The following PRIM2 variants were observed in gnomAD, a reference collection of about 807,000 sequenced individuals.
PRIM2 encodes DNA primase subunit 2, also known as DNA primase large subunit.
PRIM2 carries 39 observed loss-of-function variants against 67.3 expected under a neutral mutation model. The ratio of observed to expected loss-of-function variants is 0.58; its 90% CI spans 0.45 to 0.76. The LOEUF is 0.76. PRIM2 is among the 30% of genes least tolerant of loss of function. The probability of loss-of-function intolerance (pLI) is 0.00; values close to 1 mark genes in which losing one functional copy is unlikely to be tolerated. For synonymous variants in PRIM2, 143 were observed against 198.7 expected, an observed-to-expected ratio of 0.72 and a Z score of 2.36; for missense variants, 398 against 598.7, an observed-to-expected ratio of 0.66 and a Z score of 3.50.
chr6:57,251,380 C>T, the PRIM2 span, among the ~76,000 whole-genome samples: 1 of 152,202 alleles, frequency 6.6e-6, no homozygotes. Flanking sequence ...AGGTTCATTT[C>T]TTGCTGTGTC....
chr6:57,335,959 G>GA, intron 5 of PRIM2, among the ~76,000 whole-genome samples: 1 of 152,028 alleles, frequency 6.6e-6, no homozygotes, highest in East Asian at 1.9e-4. Context: ...GGAAAACTTT[G>GA]AAAAAAATTT....
At chr6:57,222,550 G>A in the PRIM2 span, among the ~76,000 whole-genome samples, 1 of 152,344 alleles carries the variant, frequency 6.6e-6, no homozygotes, top group East Asian at 1.9e-4. Flanking sequence ...TCCTCAAAGG[G>A]CTTGCCCCGC....
chr6:57,458,595 G>C (rs569032419), intron 7 of PRIM2, among the ~76,000 whole-genome samples: 5 of 152,166 alleles, frequency 3.3e-5, no homozygotes, highest in Admixed American at 2.6e-4. Flanking sequence ...TGAGGAAGGC[G>C]AATTCCTTGA....
chr6:57,315,374 A>T (rs1000578176), upstream of PRIM2, among the ~76,000 whole-genome samples: 2 of 152,290 alleles, frequency 1.3e-5, no homozygotes, highest in East Asian at 3.9e-4. Context: ...AGAAGTTCTT[A>T]ATCTTGATCT....
intron 7 of PRIM2, among the ~76,000 whole-genome samples, chr6:57,402,609 G>A (rs952997753): frequency 3.3e-5 from 5 of 152,306 alleles, no homozygotes; most frequent in African/African-American, 9.6e-5. Flanking sequence ...TTAGGTGCTG[G>A]AAAGTATAAC....
chr6:57,619,110 C>A (rs1180237057), intron 12 of PRIM2, among the ~76,000 whole-genome samples: 1 of 152,164 alleles, frequency 6.6e-6, no homozygotes, highest in Admixed American at 6.5e-5. Flanking sequence ...TGTGCAGAAA[C>A]CCCCAGTACT....
At chr6:57,539,612 TTGTGTGTGTG>T (rs1232932730) in intron 10 of PRIM2, among the ~76,000 whole-genome samples, 265 of 129,346 alleles carry the variant, frequency 2.0e-3, no homozygotes, top group South Asian at 0.015. Flanking sequence ...ATTATATTCT[TTGTGTGTGTG>T]TGTGTGTGTG....
intron 7 of PRIM2, among the ~76,000 whole-genome samples, chr6:57,446,418 C>CTAT (rs782244439): frequency 1.2e-5 from 1 of 83,814 alleles, no homozygotes; most frequent in East Asian, 3.4e-4. Context: ...CACGCCACTT[C>CTAT]TTTTTTTTTT....
At chr6:57,595,831 T>C (rs1387037084) in intron 10 of PRIM2, among the ~76,000 whole-genome samples, 7 of 152,080 alleles carry the variant, frequency 4.6e-5, no homozygotes, top group Non-Finnish European at 1.0e-4. Context: ...CCCTGTAGTT[T>C]AGGGATTTTT....
At chr6:57,222,139 G>T in the PRIM2 span, 1 of 152,254 alleles carries the variant, frequency 6.6e-6, no homozygotes, top group Non-Finnish European at 1.5e-5. Context: ...GGGGCCGAGC[G>T]GCTAGTTCGC....
intron 7 of PRIM2, among the ~76,000 whole-genome samples, chr6:57,456,861 A>G (rs1188830033): frequency 6.6e-6 from 1 of 151,790 alleles, no homozygotes; most frequent in African/African-American, 2.4e-5. Context: ...GAGGAGAGGC[A>G]CTCTGATTTT....
At chr6:57,620,174 T>TCAAAAAAAA (rs1776826556) in intron 12 of PRIM2, among the ~76,000 whole-genome samples, 1 of 152,048 alleles carries the variant, frequency 6.6e-6, no homozygotes, top group Non-Finnish European at 1.5e-5. Flanking sequence ...CCAACTTGGG[T>TCAAAAAAAA]GACAGAGTGA....
chr6:57,222,212 C>G, the PRIM2 span: 8 of 152,514 alleles, frequency 5.2e-5, no homozygotes, highest in African/African-American at 1.9e-4. Context: ...GTAGCCAGGG[C>G]TCAGATTGAG....
chr6:57,462,584 C>G (rs1773043225), intron 7 of PRIM2, among the ~76,000 whole-genome samples: 1 of 152,112 alleles, frequency 6.6e-6, no homozygotes, highest in Non-Finnish European at 1.5e-5. Flanking sequence ...TAGTTTGGTT[C>G]TTTGTGATCT....
intron 7 of PRIM2, among the ~76,000 whole-genome samples, chr6:57,452,232 C>T (rs36164679): frequency 5.3e-5 from 8 of 152,062 alleles, no homozygotes; most frequent in South Asian, 2.1e-4. Flanking sequence ...TGAATAGTGC[C>T]GCAATAAACA....
chr6:57,513,212 G>A (rs1554347887), intron 8 of PRIM2, among the ~76,000 whole-genome samples: 7 of 150,566 alleles, frequency 4.6e-5, no homozygotes, highest in South Asian at 2.1e-4. Context: ...GAATTATATC[G>A]TTCACTGATT....
chr6:57,366,727 A>T (rs1400551999), intron 5 of PRIM2, among the ~76,000 whole-genome samples: 2 of 152,122 alleles, frequency 1.3e-5, no homozygotes, highest in African/African-American at 4.8e-5. Flanking sequence ...TTCCTGGACA[A>T]ACTGGGATGG....
chr6:57,231,657 G>A, the PRIM2 span, among the ~76,000 whole-genome samples: 20 of 152,120 alleles, frequency 1.3e-4, no homozygotes, highest in African/African-American at 4.8e-4. Flanking sequence ...AATTGAACAG[G>A]TTAACATTTA....
intron 7 of PRIM2, among the ~76,000 whole-genome samples, chr6:57,400,831 G>T (rs908645286): frequency 5.9e-5 from 9 of 152,088 alleles, no homozygotes; most frequent in African/African-American, 2.2e-4. Context: ...CTTTATTTTT[G>T]TCTGACTGTC....
Sources: allele counts gnomAD v4.1 joint callset (sites outside exome capture counted in the v4.1 genomes callset), GRCh38; gene constraint gnomAD v4.1.1; transcripts MANE v1.5; gene names NCBI Gene and HGNC (gene_info 2026-07-23, HGNC 2026-07-21).